MAPRE2: variants seen among roughly 807,000 people sequenced by gnomAD.
The protein encoded by MAPRE2 is microtubule associated protein RP/EB family member 2.
A neutral mutation model predicts 43.2 loss-of-function variants in MAPRE2; 13 were observed. That is an observed-to-expected ratio of 0.30 (90% CI 0.20 to 0.48). MAPRE2 has a LOEUF of 0.48. MAPRE2 is among the 20% of genes least tolerant of loss of function. MAPRE2 has a pLI of 0.99. For synonymous variants in MAPRE2, 135 were observed against 148.8 expected, an observed-to-expected ratio of 0.91 and a Z score of 0.68; for missense variants, 161 against 400.2, an observed-to-expected ratio of 0.40 and a Z score of 5.10.
intron 2 of MAPRE2, among the ~76,000 whole-genome samples, chr18:35,080,983 G>A (rs1656287111): frequency 6.6e-6 from 1 of 152,120 alleles, no homozygotes; most frequent in South Asian, 2.1e-4. Context: ...AAACTAATGC[G>A]AGTCCTGTTT....
intron 3 of MAPRE2, among the ~76,000 whole-genome samples, chr18:35,099,579 C>A (rs545693899): frequency 6.6e-6 from 1 of 152,268 alleles, no homozygotes; most frequent in South Asian, 2.1e-4. Context: ...TGTACCACTG[C>A]ACTCCAGCCT....
chr18:35,136,240 G>C (rs1462871378), intron 6 of MAPRE2, among the ~76,000 whole-genome samples: 1 of 152,178 alleles, frequency 6.6e-6, no homozygotes, highest in African/African-American at 2.4e-5. Flanking sequence ...TGAAGCATTG[G>C]TTACCTGCTC....
intron 4 of MAPRE2, among the ~76,000 whole-genome samples, chr18:35,110,665 T>C (rs891928893): frequency 6.6e-6 from 1 of 152,194 alleles, no homozygotes; most frequent in Admixed American, 6.5e-5. Flanking sequence ...TCTTTTTCTG[T>C]AAATGTCTTT....
At chr18:35,050,797 C>A (rs532767489) in intron 1 of MAPRE2, among the ~76,000 whole-genome samples, 103 of 152,096 alleles carry the variant, frequency 6.8e-4, no homozygotes, top group Non-Finnish European at 1.3e-3. Context: ...CATGTGACCC[C>A]TGTGTGTGAT....
Position 34,978,274 on chromosome 18 carries a change from A to C in MAPRE2, c.-70+1195A>C, listed in dbSNP as rs2097014257. 5 of 579,500 alleles carry C rather than the reference A, an allele frequency of 8.6e-6. No individual in the cohort carries two copies. The East Asian group carries it at 1.5e-4, about 17-fold the overall frequency. 35.9% of individuals were successfully genotyped at this position (579,500 alleles called of 1,614,324 possible). ...CCCGCTAGGCAGGAAGAGGTCACTA[A>C]AAATACTATCGTGCTGTCAATGTAG... On this transcript the variant is annotated intron_variant, in intron 1 of 7. Transcript: ENST00000413393.
At chr18:35,013,501 A>G (rs2097036143) in intron 2 of MAPRE2, among the ~76,000 whole-genome samples, 1 of 152,172 alleles carries the variant, frequency 6.6e-6, no homozygotes, top group Non-Finnish European at 1.5e-5. Flanking sequence ...CATGTAAAAT[A>G]TTTATAATTT....
chr18:34,988,087 T>C (rs913077004), intron 1 of MAPRE2, among the ~76,000 whole-genome samples: 6 of 152,220 alleles, frequency 3.9e-5, no homozygotes, highest in Admixed American at 1.3e-4. Flanking sequence ...TTTTTCATTT[T>C]ATTATTGTAA....
chr18:35,048,957 T>C (rs1905795011), intron 1 of MAPRE2, among the ~76,000 whole-genome samples: 1 of 152,282 alleles, frequency 6.6e-6, no homozygotes, highest in African/African-American at 2.4e-5. Context: ...ATGTTTGTTG[T>C]TGCGTATGAC....
chr18:35,095,400 A>G (rs1447853069), intron 2 of MAPRE2, among the ~76,000 whole-genome samples: 10 of 118,532 alleles, frequency 8.4e-5, no homozygotes, highest in South Asian at 2.9e-4. Flanking sequence ...ACACACACAC[A>G]CGCACACACA....
At chr18:35,134,756 G>A (rs555938191) in intron 6 of MAPRE2, among the ~76,000 whole-genome samples, 9 of 152,260 alleles carry the variant, frequency 5.9e-5, no homozygotes, top group African/African-American at 9.6e-5. Context: ...TTTCACCTTC[G>A]AAAGCCTAGT....
At chr18:34,989,140 AGGAGG>A (rs2097022496) in intron 1 of MAPRE2, among the ~76,000 whole-genome samples, 1 of 152,180 alleles carries the variant, frequency 6.6e-6, no homozygotes, top group African/African-American at 2.4e-5. Flanking sequence ...CAAAAAAGGA[AGGAGG>A]GGAGTGGGAG....
chr18:35,069,910 A>T (rs2150622862), intron 1 of MAPRE2, among the ~76,000 whole-genome samples: 1 of 152,356 alleles, frequency 6.6e-6, no homozygotes, highest in South Asian at 2.1e-4. Context: ...ACGTAGACTT[A>T]CAGTCAAAAG....
At chr18:35,027,584 C>T (rs1004539296) in intron 2 of MAPRE2, among the ~76,000 whole-genome samples, 3 of 152,144 alleles carry the variant, frequency 2.0e-5, no homozygotes, top group African/African-American at 7.2e-5. Context: ...ACCACCTAGC[C>T]AAGCCCAGTC....
At chr18:35,103,579 C>A (rs749761268) in intron 4 of MAPRE2, among the ~76,000 whole-genome samples, 3 of 152,132 alleles carry the variant, frequency 2.0e-5, no homozygotes, top group Non-Finnish European at 4.4e-5. Context: ...TAAAGATAAA[C>A]ATTTGTGATT....
At chr18:34,991,849 C>T (rs2097024003) in intron 1 of MAPRE2, among the ~76,000 whole-genome samples, 1 of 152,116 alleles carries the variant, frequency 6.6e-6, no homozygotes, top group Admixed American at 6.5e-5. Flanking sequence ...GTGTTCTGTG[C>T]TCTATAATAT....
chr18:35,119,898 C>A (rs1909596049), intron 4 of MAPRE2, among the ~76,000 whole-genome samples: 1 of 152,140 alleles, frequency 6.6e-6, no homozygotes, highest in South Asian at 2.1e-4. Context: ...ACTTTTGCAT[C>A]ATTTGTTGAA....
At chr18:34,988,510 T>G (rs2097022136) in intron 1 of MAPRE2, 1 of 152,196 alleles carries the variant, frequency 6.6e-6, no homozygotes, top group Non-Finnish European at 1.5e-5. Flanking sequence ...AGTTACAAGA[T>G]CAGATAACAT....
At chr18:35,065,444 T>TA (rs1381693833) in intron 1 of MAPRE2, among the ~76,000 whole-genome samples, 1 of 152,192 alleles carries the variant, frequency 6.6e-6, no homozygotes, top group Non-Finnish European at 1.5e-5. Flanking sequence ...AAAATTTAAA[T>TA]ACAATATTAA....
At chr18:35,092,645 C>T (rs1272620800) in intron 2 of MAPRE2, among the ~76,000 whole-genome samples, 5 of 151,966 alleles carry the variant, frequency 3.3e-5, no homozygotes, top group African/African-American at 4.8e-5. Context: ...TCCTTCACAG[C>T]AAAGGAAACA....
Sources: gnomAD v4.1 joint callset for allele counts (sites outside exome capture counted in the v4.1 genomes callset) on GRCh38, gnomAD v4.1.1 for gene constraint, MANE v1.5 for transcripts, NCBI Gene and HGNC (gene_info 2026-07-23, HGNC 2026-07-21) for gene names.